Variants in SVIL observed in about 807,000 individuals in gnomAD.
SVIL encodes archvillin.
Under a neutral mutation model 240.4 loss-of-function variants are expected in SVIL, and 101 were observed. The observed-to-expected ratio is 0.42, with a 90% CI of 0.36 to 0.50. The LOEUF (loss-of-function observed/expected upper bound fraction) is 0.50, where lower values mean the gene tolerates loss of function less well. Among genes scored for constraint, SVIL ranks in the 20% least tolerant of loss-of-function variants. SVIL has a pLI of 0.01. For missense variants in SVIL, 2,512 were observed against 2,818.7 expected (o/e 0.89, Z 2.46); for synonymous variants, 999 against 1,100.0 (o/e 0.91, Z 1.82).
At position 29,550,620 on chromosome 10, in the gene SVIL, C is replaced by T. The variant is rs1465873243; in HGVS notation, c.804G>A (p.Gln268=). 4.3e-6 allele frequency: 7 copies of T among 1,612,222 alleles called. No homozygotes were observed. Among genetic ancestry groups the T allele is most frequent in the Admixed American group, 1.7e-5 (1 of 59,752 alleles). Residue 268 remains glutamine, a synonymous_variant, in exon 6 of 38, where the codon CAG becomes CAA. Coordinates refer to ENST00000355867, the MANE Select transcript of SVIL (RefSeq NM_021738.3). ...ACCTGGGTCGGGCCTCAGGGGATAG[C>T]TGTGGGTCACCAAAGGAGGGGCTCC... ...ASRSPSFGDP[Q]LSPEARPSTG...
intron 35 of SVIL, 72 bp from the exon 36 acceptor site, chr10:29,462,473 C>A: frequency 6.4e-7 from 1 of 1,558,132 alleles, no homozygotes. Context: ...CCCTTGAAAT[C>A]TTTTCTTCTT....
At chr10:29,580,733 C>A (rs1238800261) in intron 1 of SVIL, among the ~76,000 whole-genome samples, 1 of 152,106 alleles carries the variant, frequency 6.6e-6, no homozygotes, top group Non-Finnish European at 1.5e-5. Context: ...GTGGTACAAA[C>A]ACGGCTCATT....
At chr10:29,736,160 C>A (rs879458884), upstream of SVIL, among the ~76,000 whole-genome samples, 2 of 152,168 alleles carry the variant, frequency 1.3e-5, no homozygotes, top group Non-Finnish European at 2.9e-5. Flanking sequence ...GCTGTCCCCA[C>A]GCCCCAGGAC....
intron 6 of SVIL, among the ~76,000 whole-genome samples, chr10:29,539,595 G>A (rs535133755): frequency 2.6e-5 from 4 of 152,122 alleles, no homozygotes; most frequent in Admixed American, 6.6e-5. Flanking sequence ...TGTCCTGGGC[G>A]CTGTGTAGCA....
At chr10:29,680,644 C>T (rs1053108817) in intron 2 of SVIL, among the ~76,000 whole-genome samples, 3 of 152,174 alleles carry the variant, frequency 2.0e-5, no homozygotes, top group African/African-American at 7.2e-5. Flanking sequence ...AGAGGCTGGG[C>T]ACAGTGGCTC....
chr10:29,564,000 A>G (rs368377369), intron 2 of SVIL, among the ~76,000 whole-genome samples: 1 of 152,048 alleles, frequency 6.6e-6, no homozygotes, highest in African/African-American at 2.4e-5. Context: ...CCTAAGAGGT[A>G]CGAACTACTC....
intron 1 of SVIL, among the ~76,000 whole-genome samples, chr10:29,580,386 CCCTGG>C (rs1220132900): frequency 7.2e-5 from 11 of 152,052 alleles, no homozygotes; most frequent in African/African-American, 2.4e-4. Flanking sequence ...AACAGCCATT[CCCTGG>C]CCAGCCACAA....
chr10:29,578,877 T>C (rs1489898868), intron 1 of SVIL, among the ~76,000 whole-genome samples: 2 of 152,242 alleles, frequency 1.3e-5, no homozygotes, highest in African/African-American at 4.8e-5. Flanking sequence ...AGGAAAAGTA[T>C]TACTTCTCTT....
chr10:29,559,898 A>G (rs564398233), intron 3 of SVIL, among the ~76,000 whole-genome samples: 1 of 152,312 alleles, frequency 6.6e-6, no homozygotes, highest in Non-Finnish European at 1.5e-5. Flanking sequence ...ACTATATAAC[A>G]CCAATATTCT....
chr10:29,637,409 C>T (rs1346719486), upstream of SVIL, among the ~76,000 whole-genome samples: 3 of 152,114 alleles, frequency 2.0e-5, no homozygotes, highest in Non-Finnish European at 2.9e-5. Context: ...ATCGCTTGAA[C>T]CCAATCCTGG....
Position 29,690,357 on chromosome 10 carries a change from T to C in SVIL, c.-399-3706A>G, listed in dbSNP as rs188406805. Among the ~76,000 whole-genome samples the C allele has an allele frequency of 5.9e-3, 897 of 152,292 alleles. 7 individuals carry two copies. Among genetic ancestry groups the C allele is most frequent in the Non-Finnish European group, 7.5e-3 (511 of 68,030 alleles). On this transcript the variant is annotated intron_variant, in intron 1 of 35. Coordinates refer to the SVIL transcript ENST00000375400. ...CAAAGCTTTTTTTCATTATATGAAA[T>C]GTTGGTCCCCATTTAAGTGGATTGA...
intron 29 of SVIL, chr10:29,475,615 C>T (rs940565249): frequency 1.3e-5 from 2 of 152,318 alleles, no homozygotes; most frequent in African/African-American, 4.8e-5. Context: ...GAGGGCCTTT[C>T]TGAGGAGGTG....
At chr10:29,461,154 G>A (rs1488919110) in intron 36 of SVIL, among the ~76,000 whole-genome samples, 1 of 152,148 alleles carries the variant, frequency 6.6e-6, no homozygotes, top group Non-Finnish European at 1.5e-5. Context: ...GGCTATGCTT[G>A]TCTCAGTGAT....
chr10:29,473,587 C>T, intron 30 of SVIL: 1 of 547,670 alleles, frequency 1.8e-6, no homozygotes, highest in South Asian at 2.4e-5. Context: ...TGGCCATCTG[C>T]ACTTGTCATG....
chr10:29,702,419 C>G (rs1962590178), intron 1 of SVIL, among the ~76,000 whole-genome samples: 1 of 152,132 alleles, frequency 6.6e-6, no homozygotes, highest in South Asian at 2.1e-4. Context: ...CCGCTGGGTT[C>G]TGCGTGAGAT....
chr10:29,727,453 A>T (rs1185603174), intron 1 of SVIL, among the ~76,000 whole-genome samples: 1 of 152,044 alleles, frequency 6.6e-6, no homozygotes, highest in Non-Finnish European at 1.5e-5. Context: ...ATTATAGAGA[A>T]ATGTTGTCCG....
In SVIL at chr10:29,524,610, G is replaced by A. The variant is rs779218355; in HGVS notation, c.2448C>T (p.Ala816=). The part of the protein sequence containing the change: ...GEPDSSTLSL[A]EKLALFNKLS... ...ATTTGTTAAACAAGGCCAACTTTTC[G>A]GCCAAGCTTAGAGTGGAGGAATCAG... is the stretch of plus-strand genomic sequence containing the variant. The change falls in exon 14 of 38, where the codon GCC becomes GCT. Residue 816 remains alanine, a synonymous_variant. Coordinates refer to ENST00000355867, the MANE Select transcript of SVIL (RefSeq NM_021738.3). 6.8e-6 allele frequency: 11 copies of A among 1,613,902 alleles called. No individual in the cohort carries two copies. Among genetic ancestry groups the A allele is most frequent in the Admixed American group, 1.7e-5 (1 of 59,994 alleles).
chr10:29,534,687 T>C (rs1035629818), intron 7 of SVIL, among the ~76,000 whole-genome samples: 1 of 152,238 alleles, frequency 6.6e-6, no homozygotes, highest in African/African-American at 2.4e-5. Flanking sequence ...AGATCCTGGC[T>C]CAGTCAGGTT....
chr10:29,723,348 C>G (rs1964100862), intron 1 of SVIL, among the ~76,000 whole-genome samples: 1 of 152,126 alleles, frequency 6.6e-6, no homozygotes, highest in Non-Finnish European at 1.5e-5. Context: ...CTATTGCACT[C>G]TAGCCTGGGT....
Sources: gnomAD v4.1 joint callset for allele counts (sites outside exome capture counted in the v4.1 genomes callset) on GRCh38, gnomAD v4.1.1 for gene constraint, MANE v1.5 for transcripts, NCBI Gene and HGNC (gene_info 2026-07-23, HGNC 2026-07-21) for gene names.